The following ATP7A variants were observed in gnomAD, a reference collection of about 807,000 sequenced individuals.
ATP7A encodes copper-transporting ATPase 1.
Under a neutral mutation model 83.5 loss-of-function variants are expected in ATP7A, and 7 were observed. The observed-to-expected ratio is 0.08, with a 90% CI of 0.05 to 0.16. The LOEUF (loss-of-function observed/expected upper bound fraction) is 0.16, where lower values mean the gene tolerates loss of function less well. ATP7A is among the 10% of genes least tolerant of loss of function. ATP7A has a pLI of 1.00. For missense variants in ATP7A, 940 were observed against 1,120.8 expected (o/e 0.84, Z 2.30); for synonymous variants, 354 against 395.2 (o/e 0.90, Z 1.24).
At chrX:77,915,525 A>G (rs2077180573) in intron 1 of ATP7A, among the ~76,000 whole-genome samples, 1 of 111,053 alleles carries the variant, frequency 9.0e-6, no homozygotes, top group Non-Finnish European at 1.9e-5. Flanking sequence ...TAATACATGT[A>G]CGGTGTCTGG....
At chrX:77,932,065 G>T (rs1474098008) in intron 1 of ATP7A, among the ~76,000 whole-genome samples, 1 of 111,047 alleles carries the variant, frequency 9.0e-6, no homozygotes, top group African/African-American at 3.3e-5. Context: ...CCTCCCTCCC[G>T]GATGGGGTGG....
At chrX:77,953,613 G>T (rs2077425562) in intron 1 of ATP7A, among the ~76,000 whole-genome samples, 2 of 112,242 alleles carry the variant, frequency 1.8e-5, no homozygotes, top group South Asian at 7.3e-4. Context: ...GGCAGCAATT[G>T]CTTAGCCCCT....
chrX:78,039,377 A>C (rs1383067714), intron 18 of ATP7A, among the ~76,000 whole-genome samples: 1 of 111,003 alleles, frequency 9.0e-6, no homozygotes, highest in African/African-American at 3.3e-5. Flanking sequence ...CTTGTTGCCC[A>C]AACTGGAGTG....
chrX:78,015,683 A>G, intron 11 of ATP7A, 71 bp from the exon 12 acceptor site: 1 of 1,181,925 alleles, frequency 8.5e-7, no homozygotes, highest in Non-Finnish European at 1.1e-6. Flanking sequence ...ACGTGAACTA[A>G]AGAGCTTACA....
chrX:77,999,923 A>G (rs1179703455), intron 5 of ATP7A, among the ~76,000 whole-genome samples: 2 of 109,645 alleles, frequency 1.8e-5, no homozygotes, highest in Admixed American at 9.8e-5. Flanking sequence ...AAAAAAAAAA[A>G]AAGATATGTG....
chrX:77,985,762 A>AC (rs1278051008), intron 2 of ATP7A, among the ~76,000 whole-genome samples: 1 of 111,224 alleles, frequency 9.0e-6, no homozygotes, highest in Non-Finnish European at 1.9e-5. Flanking sequence ...TTTGTTTAAC[A>AC]CCAACACAAC....
intron 1 of ATP7A, among the ~76,000 whole-genome samples, chrX:77,927,107 C>T (rs1449180645): frequency 8.9e-6 from 1 of 112,160 alleles, no homozygotes; most frequent in East Asian, 2.8e-4. Flanking sequence ...ACTGCTGTAT[C>T]ACCAGCACGT....
At chrX:78,010,625 G>A (rs1403681022) in intron 7 of ATP7A, among the ~76,000 whole-genome samples, 3 of 93,527 alleles carry the variant, frequency 3.2e-5, no homozygotes, top group Non-Finnish European at 6.3e-5. Context: ...TGTCGCCTGG[G>A]CTGGAGTGCA....
intron 21 of ATP7A, among the ~76,000 whole-genome samples, chrX:78,044,941 A>C (rs2078074623): frequency 8.9e-6 from 1 of 112,436 alleles, no homozygotes; most frequent in South Asian, 3.6e-4. Flanking sequence ...CAGTAAGATT[A>C]ATTCATGGAG....
chrX:77,930,524 C>T (rs1326520994), intron 1 of ATP7A, among the ~76,000 whole-genome samples: 1 of 111,426 alleles, frequency 9.0e-6, no homozygotes, highest in African/African-American at 3.3e-5. Flanking sequence ...GATAGGGTTC[C>T]GCAATGAAAA....
chrX:77,996,986 TA>T (rs782290804), intron 4 of ATP7A, among the ~76,000 whole-genome samples: 2 of 111,374 alleles, frequency 1.8e-5, no homozygotes, highest in Non-Finnish European at 3.8e-5. Flanking sequence ...GTCTGTGTTC[TA>T]AATAAAGTTC....
intron 1 of ATP7A, among the ~76,000 whole-genome samples, chrX:77,967,227 C>G (rs1371304544): frequency 4.5e-5 from 5 of 111,821 alleles, no homozygotes; most frequent in African/African-American, 1.6e-4. Flanking sequence ...GTGCATGTGT[C>G]TTTATAGTAG....
At chrX:77,969,560 C>T (rs191844393) in intron 1 of ATP7A, 323 of 1,210,342 alleles carry the variant, frequency 2.7e-4, no homozygotes, top group Non-Finnish European at 3.0e-4. Context: ...AGATCGGCGT[C>T]GTACCAGCAG....
chrX:77,945,816 G>A (rs1439148382), intron 1 of ATP7A, among the ~76,000 whole-genome samples: 5 of 111,358 alleles, frequency 4.5e-5, no homozygotes, highest in African/African-American at 1.6e-4. Flanking sequence ...TTAATTATGA[G>A]TTTTACTGTT....
chrX:78,006,622 A>G (rs1289461028), intron 6 of ATP7A, among the ~76,000 whole-genome samples: 1 of 112,077 alleles, frequency 8.9e-6, no homozygotes, highest in African/African-American at 3.2e-5. Flanking sequence ...ACTCATTAGT[A>G]GTCATTCTTT....
At chrX:77,960,726 A>G (rs2077469857) in intron 1 of ATP7A, among the ~76,000 whole-genome samples, 1 of 111,840 alleles carries the variant, frequency 8.9e-6, no homozygotes, top group African/African-American at 3.2e-5. Flanking sequence ...AAATATATTA[A>G]TAACTTGAAG....
intron 14 of ATP7A, among the ~76,000 whole-genome samples, chrX:78,021,927 A>G (rs2077908352): frequency 9.0e-6 from 1 of 111,187 alleles, no homozygotes; most frequent in Non-Finnish European, 1.9e-5. Context: ...TTCTTTCTAA[A>G]TAATGTCCAC....
At chrX:78,011,823 G>A (rs782039426) in intron 9 of ATP7A, 149 bp downstream of exon 9, 63 of 619,587 alleles carry the variant, frequency 1.0e-4, no homozygotes, top group Admixed American at 6.0e-4. Flanking sequence ...CTTCAACTGG[G>A]TAGTTATTTA....
At position 78,011,087 on chromosome X, in the gene ATP7A, G is replaced by C. The variant is rs1166407949; in HGVS notation, c.1870-89G>C. The C allele has an allele frequency of 9.6e-6, 8 of 836,889 alleles. No homozygotes were observed. In the African/African-American group the frequency reaches 1.4e-4, roughly 15 times the overall value. The allele number at this position is 836,889 out of a possible 1,213,427, so 69.0% of individuals were successfully genotyped here. On this transcript the variant is annotated intron_variant, in intron 7 of 22. Transcript: ENST00000341514. ...GTGACTTGCCCTCAGTAATTGAACT[G>C]TTCTTAATGACAATACCATGGCTTA...
Sources: allele counts gnomAD v4.1 joint callset (sites outside exome capture counted in the v4.1 genomes callset), GRCh38; gene constraint gnomAD v4.1.1; transcripts MANE v1.5; gene names NCBI Gene and HGNC (gene_info 2026-07-23, HGNC 2026-07-21).